Variants in GPHN observed in about 807,000 individuals in gnomAD.
GPHN encodes gephyrin.
GPHN carries 17 observed loss-of-function variants against 95.5 expected under a neutral mutation model. The ratio of observed to expected loss-of-function variants is 0.18; its 90% CI spans 0.12 to 0.27. The LOEUF is 0.27. GPHN is among the 10% of genes least tolerant of loss of function. GPHN has a pLI of 1.00. For synonymous variants in GPHN, 320 were observed against 322.5 expected (o/e 0.99, Z 0.08); for missense variants, 660 against 978.1 (o/e 0.67, Z 4.34).
At chr14:66,828,351 G>A (rs1409138378) in intron 4 of GPHN, among the ~76,000 whole-genome samples, 1 of 151,950 alleles carries the variant, frequency 6.6e-6, no homozygotes, top group Non-Finnish European at 1.5e-5. Context: ...ATATTGATGT[G>A]TCAGAAAGGA....
At chr14:67,729,971 G>C in the GPHN span, among the ~76,000 whole-genome samples, 1 of 152,146 alleles carries the variant, frequency 6.6e-6, no homozygotes, top group Admixed American at 6.5e-5. Context: ...GTCCCGCTTT[G>C]TTCAAGGCTT....
At chr14:67,183,982 T>A (rs377615902), downstream of GPHN, among the ~76,000 whole-genome samples, 4 of 151,906 alleles carry the variant, frequency 2.6e-5, no homozygotes, top group East Asian at 7.8e-4. Flanking sequence ...GCCTCCTGAG[T>A]AGCTGGGACT....
the GPHN span, chr14:67,733,801 C>T: frequency 4.3e-6 from 7 of 1,613,284 alleles, no homozygotes; most frequent in East Asian, 4.5e-5. Context: ...AACAGCTGAG[C>T]GCCTATGGAA....
chr14:67,389,594 ATATG>A, the GPHN span, among the ~76,000 whole-genome samples: 1 of 152,070 alleles, frequency 6.6e-6, no homozygotes, highest in Non-Finnish European at 1.5e-5. Context: ...ATATATGTAT[ATATG>A]TATATTTACA....
At position 67,144,282 on chromosome 14, in the gene GPHN, T is replaced by TACATAC. The variant is rs1567401129; in HGVS notation, c.1836+834_1836+835insCATACA. Among the ~76,000 whole-genome samples the TACATAC allele has an allele frequency of 2.6e-4, 29 of 111,350 alleles. 2 individuals are homozygous for TACATAC. The highest frequency in any genetic ancestry group is 1.1e-3 in the African/African-American group (29 of 27,484). The allele number at this position is 111,350 out of a possible 152,430, so 73.0% of individuals were successfully genotyped here. Reference sequence around the variant, plus strand: ...ATATATATATATATATATATATATATATATACACACACACATACACAAATA... The same window carrying TACATAC: ...ATATATATATATATATATATATATATACATACATATACACACACACATACACAAATA... On this transcript the variant is annotated intron_variant, in intron 18 of 22. Transcript: ENST00000478722.
At chr14:66,726,583 A>G in intron 2 of GPHN, among the ~76,000 whole-genome samples, 1 of 152,340 alleles carries the variant, frequency 6.6e-6, no homozygotes, top group Admixed American at 6.5e-5. Context: ...TGATGATATG[A>G]TGATTTTAGA....
intron 4 of GPHN, among the ~76,000 whole-genome samples, chr14:66,844,182 A>G (rs1471994341): frequency 6.6e-6 from 1 of 152,088 alleles, no homozygotes; most frequent in Non-Finnish European, 1.5e-5. Flanking sequence ...ACGTAATACC[A>G]GTTCTTTAGA....
chr14:66,586,310 C>CT (rs2061417221), intron 1 of GPHN, among the ~76,000 whole-genome samples: 1 of 152,140 alleles, frequency 6.6e-6, no homozygotes, highest in South Asian at 2.1e-4. Flanking sequence ...TTCCTGAATA[C>CT]AGCACACTGA....
intron 18 of GPHN, among the ~76,000 whole-genome samples, chr14:67,150,523 A>G (rs1183857998): frequency 2.7e-5 from 4 of 148,136 alleles, no homozygotes; most frequent in Non-Finnish European, 3.0e-5. Context: ...TCACAGTTTT[A>G]TACTTTTTTA....
At chr14:66,545,238 C>T (rs1362948991) in intron 1 of GPHN, among the ~76,000 whole-genome samples, 39 of 124,606 alleles carry the variant, frequency 3.1e-4, no homozygotes, top group East Asian at 7.7e-4. Flanking sequence ...CCGGACGGGG[C>T]GGCTGGCCGG....
At chr14:66,761,333 A>G (rs1242074767) in intron 2 of GPHN, among the ~76,000 whole-genome samples, 1 of 152,240 alleles carries the variant, frequency 6.6e-6, no homozygotes, top group African/African-American at 2.4e-5. Context: ...ATAACTAGTG[A>G]CAAAAATTCA....
At chr14:66,895,510 T>A (rs919917327) in intron 5 of GPHN, among the ~76,000 whole-genome samples, 74 of 152,300 alleles carry the variant, frequency 4.9e-4, no homozygotes, top group Middle Eastern at 3.4e-3. Context: ...AGTATAATTT[T>A]AAAAAATATG....
intron 18 of GPHN, among the ~76,000 whole-genome samples, chr14:67,157,947 T>C (rs2153715742): frequency 6.6e-6 from 1 of 151,868 alleles, no homozygotes; most frequent in East Asian, 1.9e-4. Context: ...GATAGGAATG[T>C]GGCTGGGTGA....
In GPHN at chr14:67,014,201, T is replaced by G. The variant is rs149908134; in HGVS notation, c.964-9432T>G. Among the ~76,000 whole-genome samples, 453 of 152,270 alleles carry G rather than the reference T, an allele frequency of 3.0e-3. 2 individuals are homozygous for G. The highest frequency in any genetic ancestry group is 0.01 in the African/African-American group (435 of 41,580). ...TATAGTAATAGCTAACAATATATAC[T>G]GTTAACTCTGAGCTACTCTCTAAGC... On this transcript the variant is annotated intron_variant, in intron 9 of 22. Transcript: ENST00000478722.
chr14:67,071,281 C>T (rs2076295742), intron 11 of GPHN, among the ~76,000 whole-genome samples: 1 of 152,138 alleles, frequency 6.6e-6, no homozygotes, highest in Non-Finnish European at 1.5e-5. Context: ...GACACATATA[C>T]ACCATGAAAT....
chr14:67,389,964 G>C, the GPHN span, among the ~76,000 whole-genome samples: 1 of 151,972 alleles, frequency 6.6e-6, no homozygotes, highest in Non-Finnish European at 1.5e-5. Flanking sequence ...GGCCTAGCTG[G>C]GTCCAGGCAG....
At chr14:67,372,699 G>A in the GPHN span, among the ~76,000 whole-genome samples, 10 of 151,978 alleles carry the variant, frequency 6.6e-5, no homozygotes, top group South Asian at 4.2e-4. Flanking sequence ...ATAGTGGTGC[G>A]TGCCTGTAGT....
At chr14:66,538,842 TA>T (rs1406352472) in intron 1 of GPHN, among the ~76,000 whole-genome samples, 1 of 151,508 alleles carries the variant, frequency 6.6e-6, no homozygotes, top group African/African-American at 2.4e-5. Context: ...TGAAATACAA[TA>T]TATGAAATTA....
chr14:67,306,849 TTAA>T, the GPHN span, among the ~76,000 whole-genome samples: 1 of 152,222 alleles, frequency 6.6e-6, no homozygotes, highest in African/African-American at 2.4e-5. Flanking sequence ...ATCTATGGAA[TTAA>T]TAATCTAAAG....
Sources: allele counts gnomAD v4.1 joint callset (sites outside exome capture counted in the v4.1 genomes callset), GRCh38; gene constraint gnomAD v4.1.1; transcripts MANE v1.5; gene names NCBI Gene and HGNC (gene_info 2026-07-23, HGNC 2026-07-21).